The following MAP3K7CL variants were observed in gnomAD, a reference collection of about 807,000 sequenced individuals.
The protein encoded by MAP3K7CL is MAP3K7 C-terminal-like protein.
Under a neutral mutation model 18.6 loss-of-function variants are expected in MAP3K7CL, and 16 were observed. The ratio of observed to expected loss-of-function variants is 0.86; its 90% CI spans 0.58 to 1.31. MAP3K7CL has a LOEUF of 1.31. Among genes scored for constraint, MAP3K7CL ranks in the 50% most tolerant of loss-of-function variants. MAP3K7CL has a pLI of 0.00. For synonymous variants in MAP3K7CL, 65 were observed against 66.8 expected, an observed-to-expected ratio of 0.97 and a Z score of 0.13; for missense variants, 163 against 174.4, an observed-to-expected ratio of 0.93 and a Z score of 0.37.
chr21:29,173,155 G>C (rs1344819699), intron 4 of MAP3K7CL, among the ~76,000 whole-genome samples: 1 of 152,120 alleles, frequency 6.6e-6, no homozygotes, highest in African/African-American at 2.4e-5. Context: ...TTTCAGGGTA[G>C]GGGGAACCTA....
chr21:29,153,484 G>A (rs934475393), intron 3 of MAP3K7CL, among the ~76,000 whole-genome samples: 18 of 152,114 alleles, frequency 1.2e-4, no homozygotes, highest in Non-Finnish European at 1.9e-4. Context: ...GTCTTGCTCT[G>A]TCACCCAGGC....
intron 4 of MAP3K7CL, chr21:29,122,262 G>C (rs2086606808): frequency 6.6e-6 from 1 of 152,282 alleles, no homozygotes; most frequent in African/African-American, 2.4e-5. Context: ...GTCAGCGGGA[G>C]CAGAACTTTG....
intron 1 of MAP3K7CL, among the ~76,000 whole-genome samples, chr21:29,090,846 A>G (rs898706695): frequency 1.3e-5 from 2 of 148,956 alleles, no homozygotes; most frequent in African/African-American, 5.0e-5. Flanking sequence ...TTTCCTCTCT[A>G]TACTGCATTG....
chr21:29,123,608 C>T (rs1272386923), intron 4 of MAP3K7CL, among the ~76,000 whole-genome samples: 3 of 152,184 alleles, frequency 2.0e-5, no homozygotes, highest in Non-Finnish European at 4.4e-5. Flanking sequence ...AAAAACTTAG[C>T]AGTCCATCAT....
intron 2 of MAP3K7CL, among the ~76,000 whole-genome samples, chr21:29,147,396 G>T (rs1287072692): frequency 6.6e-6 from 1 of 151,564 alleles, no homozygotes; most frequent in Non-Finnish European, 1.5e-5. Flanking sequence ...GTACTGTACT[G>T]CATATATATG....
intron 4 of MAP3K7CL, among the ~76,000 whole-genome samples, chr21:29,112,648 T>C (rs896767533): frequency 4.6e-5 from 7 of 152,130 alleles, no homozygotes; most frequent in African/African-American, 1.7e-4. Flanking sequence ...TCATTCTGTG[T>C]TCCCTTCCTG....
intron 4 of MAP3K7CL, among the ~76,000 whole-genome samples, chr21:29,114,479 C>T (rs961082600): frequency 1.3e-4 from 20 of 152,186 alleles, no homozygotes; most frequent in South Asian, 2.1e-4. Flanking sequence ...CAACCTCGAC[C>T]TCTCGAGCTC....
intron 2 of MAP3K7CL, among the ~76,000 whole-genome samples, chr21:29,137,690 CT>C (rs1187076787): frequency 6.6e-6 from 1 of 152,104 alleles, no homozygotes; most frequent in African/African-American, 2.4e-5. Flanking sequence ...GTCCACTGAG[CT>C]GTGGAAGAGT....
chr21:29,125,670 T>A (rs936212285), upstream of MAP3K7CL, among the ~76,000 whole-genome samples: 1 of 152,216 alleles, frequency 6.6e-6, no homozygotes, highest in Non-Finnish European at 1.5e-5. Context: ...TGAGCCTTGA[T>A]CCTTGCTTTG....
chr21:29,172,842 C>G (rs1271018042), intron 4 of MAP3K7CL, among the ~76,000 whole-genome samples: 1 of 126,722 alleles, frequency 7.9e-6, no homozygotes, highest in African/African-American at 2.9e-5. Context: ...CAACCCCCCC[C>G]TCCCCCCGCC....
At chr21:29,102,989 A>G (rs1441128172) in intron 4 of MAP3K7CL, among the ~76,000 whole-genome samples, 4 of 152,202 alleles carry the variant, frequency 2.6e-5, no homozygotes, top group Non-Finnish European at 5.9e-5. Context: ...ATCGATTGCA[A>G]CTGCGGGACA....
intron 4 of MAP3K7CL, among the ~76,000 whole-genome samples, chr21:29,111,040 A>G (rs2086410442): frequency 6.6e-6 from 1 of 151,926 alleles, no homozygotes; most frequent in Non-Finnish European, 1.5e-5. Flanking sequence ...GCGGATCACA[A>G]GGCCAGGAAA....
intron 4 of MAP3K7CL, among the ~76,000 whole-genome samples, chr21:29,173,419 A>G (rs936056800): frequency 2.0e-5 from 3 of 152,236 alleles, no homozygotes; most frequent in Non-Finnish European, 4.4e-5. Flanking sequence ...AATTTAATTC[A>G]AAAGTCTAAT....
intron 2 of MAP3K7CL, among the ~76,000 whole-genome samples, chr21:29,137,480 G>C (rs2086910942): frequency 1.3e-5 from 2 of 152,138 alleles, no homozygotes; most frequent in Admixed American, 6.6e-5. Context: ...CTGGGCTTGA[G>C]GGCAGGTAGA....
At position 29,162,762 on chromosome 21, in the gene MAP3K7CL, G is replaced by A. The variant is rs147381335; in HGVS notation, c.248+2706G>A. The stretch of plus-strand genomic sequence containing the variant: ...CTAATGTTTGAAACATATCCTTACT[G>A]TTTACATTGAAAGCAATGATAACTC... On this transcript the variant is annotated intron_variant, in intron 4 of 4. Coordinates refer to ENST00000399928, the MANE Select transcript of MAP3K7CL (RefSeq NM_001286620.2). 1.2e-3 allele frequency among the ~76,000 whole-genome samples: 186 copies of A among 151,680 alleles called. 2 individuals are homozygous for A. Among genetic ancestry groups the A allele is most frequent in the African/African-American group, 4.3e-3 (179 of 41,362 alleles).
At chr21:29,109,499 G>C in intron 4 of MAP3K7CL, 1 of 1,099,334 alleles carries the variant, frequency 9.1e-7, no homozygotes, top group Non-Finnish European at 1.1e-6. Flanking sequence ...ACAGTTGTTG[G>C]CAGAGATACA....
chr21:29,165,651 A>G (rs1486226567), intron 4 of MAP3K7CL, among the ~76,000 whole-genome samples: 1 of 152,200 alleles, frequency 6.6e-6, no homozygotes, highest in African/African-American at 2.4e-5. Context: ...GGCTCACTGC[A>G]ACCTCTGCCT....
At chr21:29,159,077 T>A (rs1195043743) in intron 3 of MAP3K7CL, among the ~76,000 whole-genome samples, 1 of 152,156 alleles carries the variant, frequency 6.6e-6, no homozygotes, top group Admixed American at 6.5e-5. Flanking sequence ...GGCCCCGCCA[T>A]GCCTGGCAAA....
chr21:29,163,148 C>T (rs2146736593), intron 4 of MAP3K7CL, among the ~76,000 whole-genome samples: 1 of 152,144 alleles, frequency 6.6e-6, no homozygotes, highest in African/African-American at 2.4e-5. Context: ...GAAAAGTCAA[C>T]TTCTAGAAGT....
Sources: gnomAD v4.1 joint callset for allele counts (sites outside exome capture counted in the v4.1 genomes callset) on GRCh38, gnomAD v4.1.1 for gene constraint, MANE v1.5 for transcripts, NCBI Gene and HGNC (gene_info 2026-07-23, HGNC 2026-07-21) for gene names.